TAOK1: variants seen among roughly 807,000 people sequenced by gnomAD.
The protein encoded by TAOK1 is TAO kinase 1.
TAOK1 carries 21 observed loss-of-function variants against 138.3 expected under a neutral mutation model. That is an observed-to-expected ratio of 0.15 (90% CI 0.11 to 0.22). TAOK1 has a LOEUF of 0.22. Among genes scored for constraint, TAOK1 ranks in the 10% least tolerant of loss-of-function variants. The pLI is 1.00. For missense variants in TAOK1, 651 were observed against 1,227.7 expected, an observed-to-expected ratio of 0.53 and a Z score of 7.02; for synonymous variants, 361 against 398.4, an observed-to-expected ratio of 0.91 and a Z score of 1.12.
At chr17:29,410,255 G>GT (rs1905104712) in intron 1 of TAOK1, among the ~76,000 whole-genome samples, 1 of 152,038 alleles carries the variant, frequency 6.6e-6, no homozygotes, top group African/African-American at 2.4e-5. Context: ...TCTTAGTTTT[G>GT]TTTTTGTTTT....
chr17:29,540,696 G>A (rs1365242427), intron 19 of TAOK1, among the ~76,000 whole-genome samples: 11 of 152,084 alleles, frequency 7.2e-5, no homozygotes, highest in South Asian at 4.1e-4. Context: ...TCAGTCTCCC[G>A]AGTAGCTGGG....
intron 15 of TAOK1, chr17:29,511,300 C>G (rs2031715648): frequency 6.5e-6 from 1 of 154,974 alleles, no homozygotes; most frequent in African/African-American, 2.4e-5. Context: ...GTGGCGCGCT[C>G]TCGGCTCACT....
intron 1 of TAOK1, among the ~76,000 whole-genome samples, chr17:29,443,792 A>T (rs955803179): frequency 1.3e-5 from 2 of 152,202 alleles, no homozygotes; most frequent in Non-Finnish European, 2.9e-5. Context: ...TAGTACCTTT[A>T]AAAAACTTGT....
At chr17:29,478,386 CTTGT>C (rs1567729561) in intron 6 of TAOK1, 39 bp downstream of exon 6, 2 of 1,392,368 alleles carry the variant, frequency 1.4e-6, no homozygotes, top group Non-Finnish European at 1.9e-6. Context: ...AAGTAAATGG[CTTGT>C]TGCATATACC....
chr17:29,459,173 G>A (rs992833802), intron 2 of TAOK1, among the ~76,000 whole-genome samples: 1 of 152,054 alleles, frequency 6.6e-6, no homozygotes, highest in Non-Finnish European at 1.5e-5. Flanking sequence ...CCTCAGCCTG[G>A]CTTTCTTCTT....
At chr17:29,395,789 C>T (rs911970301) in intron 1 of TAOK1, among the ~76,000 whole-genome samples, 4 of 148,516 alleles carry the variant, frequency 2.7e-5, no homozygotes, top group African/African-American at 1.0e-4. Context: ...TCCCAAGTAG[C>T]TGGCACTACA....
chr17:29,474,845 A>G (rs1443450746), intron 3 of TAOK1, among the ~76,000 whole-genome samples: 2 of 95,870 alleles, frequency 2.1e-5, no homozygotes, highest in Non-Finnish European at 3.8e-5. Context: ...CAAACCTTCA[A>G]TTTGTTTTAA....
At chr17:29,536,424 C>G (rs2032224093) in intron 19 of TAOK1, among the ~76,000 whole-genome samples, 1 of 151,792 alleles carries the variant, frequency 6.6e-6, no homozygotes, top group Non-Finnish European at 1.5e-5. Context: ...ACGGTGAAAC[C>G]CCGTCTCTAC....
intron 3 of TAOK1, among the ~76,000 whole-genome samples, chr17:29,472,660 G>A (rs1209232344): frequency 6.8e-6 from 1 of 147,100 alleles, no homozygotes; most frequent in South Asian, 2.2e-4. Context: ...CGCAACCTCC[G>A]CCCCGCTGGG....
At chr17:29,480,152 T>C (rs1382122322) in intron 6 of TAOK1, 1 of 322,060 alleles carries the variant, frequency 3.1e-6, no homozygotes, top group African/African-American at 2.1e-5. Flanking sequence ...TGTCTTCTCT[T>C]TTAGAAAATT....
In TAOK1 at chr17:29,517,612, A is replaced by G; in HGVS notation, c.1864A>G (p.Met622Val). Residue 622 changes from methionine (M) to valine (V), a missense_variant, in exon 16 of 20, where the codon ATG (methionine) becomes GTG (valine). Met to Val is a conservative substitution (Grantham distance 21). Transcript: ENST00000261716. ...GGAATGCCGTCGCTTCAAGAGAAGA[A>G]TGTTACTTGGGCGTCATAACTTAGA... ...ELECRRFKRRMLLGRHNLEQD... is the reference protein window; with the variant it reads ...ELECRRFKRRVLLGRHNLEQD... The G allele has an allele frequency of 6.2e-7, 1 of 1,613,274 alleles. No homozygotes were observed. The highest frequency in any genetic ancestry group is 8.5e-7 in the Non-Finnish European group (1 of 1,180,000).
At position 29,392,402 on chromosome 17, in the gene TAOK1, A is replaced by T. The variant is rs139567539; in HGVS notation, c.-95+1378A>T. Among the ~76,000 whole-genome samples, 526 of 152,198 alleles carry T rather than the reference A, an allele frequency of 3.5e-3. 5 individuals are homozygous for T. Among genetic ancestry groups the T allele is most frequent in the African/African-American group, 0.012 (506 of 41,536 alleles). On this transcript the variant is annotated intron_variant, in intron 1 of 19. Transcript: ENST00000261716. Reference sequence around the variant, plus strand: ...TTTGTTCTTATTAATCTGCCTAATTATTCTATGATCTATTTTCTGTAGTCA... The same window carrying T: ...TTTGTTCTTATTAATCTGCCTAATTTTTCTATGATCTATTTTCTGTAGTCA...
chr17:29,422,932 T>C (rs1905499761), intron 1 of TAOK1, among the ~76,000 whole-genome samples: 2 of 151,996 alleles, frequency 1.3e-5, no homozygotes, highest in African/African-American at 2.4e-5. Flanking sequence ...GGCTGAGGCA[T>C]GAGAATCACT....
rs2031934192 is a variant in TAOK1 at position 29,522,326 on chromosome 17, T to C, written c.1955T>C (p.Leu652Pro). Residue 652 changes from leucine to proline, a missense_variant, in exon 17 of 20, where the codon CTA (leucine) becomes CCA (proline). Coordinates refer to ENST00000261716, the MANE Select transcript of TAOK1 (RefSeq NM_020791.4). ...CAGAAGGACTTAGAGCATGCCATGC[T>C]ACTCCGACAGCATGAATCTATGCAA... ...QTQKDLEHAM[L>P]LRQHESMQEL... 6.2e-7 allele frequency: 1 copy of C among 1,614,256 alleles called. No individual in the cohort carries two copies. The highest frequency in any genetic ancestry group is 8.5e-7 in the Non-Finnish European group (1 of 1,180,044).
chr17:29,471,292 T>C (rs2030811761), intron 3 of TAOK1, among the ~76,000 whole-genome samples: 1 of 135,998 alleles, frequency 7.4e-6, no homozygotes, highest in Admixed American at 7.3e-5. Flanking sequence ...TTTTTTTTTT[T>C]TTTTTTGAGA....
chr17:29,454,016 A>G (rs180793985), intron 2 of TAOK1, among the ~76,000 whole-genome samples: 128 of 140,746 alleles, frequency 9.1e-4, no homozygotes, highest in African/African-American at 3.1e-3. Flanking sequence ...GGGTTTTGCT[A>G]TGTTGCCCAG....
intron 1 of TAOK1, among the ~76,000 whole-genome samples, chr17:29,415,056 G>A (rs921884744): frequency 2.0e-5 from 3 of 151,730 alleles, no homozygotes; most frequent in South Asian, 2.1e-4. Context: ...TGCAACCTCC[G>A]CCTCCCAGGT....
chr17:29,394,149 A>ATTTTTTT (rs1904513374), intron 1 of TAOK1, among the ~76,000 whole-genome samples: 1 of 56,390 alleles, frequency 1.8e-5, no homozygotes, highest in African/African-American at 5.3e-5. Context: ...ATAATTTGCC[A>ATTTTTTT]GTTTTTTTTT....
Position 29,461,472 on chromosome 17 carries a change from T to C in TAOK1, c.133-5673T>C, listed in dbSNP as rs2030530283. On this transcript the variant is annotated intron_variant, in intron 2 of 19. Coordinates refer to ENST00000261716, the MANE Select transcript of TAOK1 (RefSeq NM_020791.4). ...GCAAAATGTTAACCAAGAATTTTTC[T>C]ATAGACAGGGCCAACAAACCTCAGC... Among the ~76,000 whole-genome samples the C allele has an allele frequency of 1.3e-5, 2 of 152,228 alleles. 1 individual carries two copies. Among genetic ancestry groups the C allele is most frequent in the South Asian group, 4.1e-4 (2 of 4,832 alleles).
Sources: allele counts gnomAD v4.1 joint callset (sites outside exome capture counted in the v4.1 genomes callset), GRCh38; gene constraint gnomAD v4.1.1; transcripts MANE v1.5; gene names NCBI Gene and HGNC (gene_info 2026-07-23, HGNC 2026-07-21).